Variants in NPEPPS observed in about 807,000 individuals in gnomAD.
NPEPPS encodes aminopeptidase puromycin sensitive.
Under a neutral mutation model 115.5 loss-of-function variants are expected in NPEPPS, and 14 were observed. The ratio of observed to expected loss-of-function variants is 0.12; its 90% CI spans 0.08 to 0.19. NPEPPS has a LOEUF of 0.19. Ranked by LOEUF, NPEPPS falls within the 10% of genes least tolerant of loss-of-function variation. NPEPPS has a pLI of 1.00. For synonymous variants in NPEPPS, 285 were observed against 390.6 expected (o/e 0.73, Z 3.19); for missense variants, 523 against 1,110.8 (o/e 0.47, Z 7.52).
intron 17 of NPEPPS, 45 bp from the exon 18 acceptor site, chr17:47,612,415 T>C (rs756689326): frequency 1.1e-5 from 17 of 1,596,884 alleles, no homozygotes; most frequent in Non-Finnish European, 1.5e-5. Context: ...CTTATAAAAA[T>C]AGGCTTTTTA....
chr17:47,576,611 T>C (rs1244925451), intron 3 of NPEPPS, among the ~76,000 whole-genome samples: 2 of 152,238 alleles, frequency 1.3e-5, no homozygotes, highest in Non-Finnish European at 2.9e-5. Flanking sequence ...TATTAAAGTA[T>C]TTCAAGATTT....
At chr17:47,609,985 CTGTT>C (rs1447792278) in intron 17 of NPEPPS, among the ~76,000 whole-genome samples, 9 of 152,032 alleles carry the variant, frequency 5.9e-5, no homozygotes, top group Non-Finnish European at 1.3e-4. Flanking sequence ...GTGCCATTAA[CTGTT>C]TTTTTAATCA....
intron 17 of NPEPPS, among the ~76,000 whole-genome samples, chr17:47,610,164 C>T (rs1050297226): frequency 9.5e-6 from 1 of 104,968 alleles, no homozygotes; most frequent in East Asian, 3.1e-4. Flanking sequence ...CCACTCTCAG[C>T]CCCACCCCAC....
intron 2 of NPEPPS, among the ~76,000 whole-genome samples, chr17:47,553,013 C>T (rs1008374347): frequency 1.3e-5 from 2 of 151,974 alleles, no homozygotes; most frequent in Non-Finnish European, 2.9e-5. Flanking sequence ...TTAATATAAC[C>T]GCACCATATT....
intron 22 of NPEPPS, 84 bp from the exon 23 acceptor site, chr17:47,621,680 TATAG>T: frequency 1.5e-6 from 2 of 1,309,830 alleles, no homozygotes; most frequent in Non-Finnish European, 2.1e-6. Flanking sequence ...GCATCCTTCA[TATAG>T]ACCAGTGGGT....
At position 47,591,894 on chromosome 17, in the gene NPEPPS, T is replaced by C. The variant is rs1233726650; in HGVS notation, c.1261-62T>C. Reference sequence around the variant, plus strand: ...AAGGGTTTTCCTAGAAAGCGTTTTATGTAATTCAGTATTACAGGCTATCTG... The same window carrying C: ...AAGGGTTTTCCTAGAAAGCGTTTTACGTAATTCAGTATTACAGGCTATCTG... On this transcript the variant is annotated intron_variant, in intron 10 of 22. Transcript: ENST00000322157. 16 of 627,006 alleles carry C rather than the reference T, an allele frequency of 2.6e-5. No homozygotes were observed. In the African/African-American group the frequency reaches 3.0e-4, roughly 12 times the overall value. The allele number at this position is 627,006 out of a possible 1,614,324, so 38.8% of individuals were successfully genotyped here.
In NPEPPS at chr17:47,619,167, A is replaced by G. The variant is rs759737877; in HGVS notation, c.2559+3A>G. On this transcript the variant is annotated splice_donor_region_variant and intron_variant, in intron 21 of 22. Coordinates refer to ENST00000322157, the MANE Select transcript of NPEPPS (RefSeq NM_006310.4). ...TCTTAATATCCAGACTAATAAAGGT[A>G]TGTGAAAAACTTTGAGTAGCTTGCT... is the stretch of plus-strand genomic sequence containing the variant. 5.6e-6 allele frequency: 9 copies of G among 1,611,008 alleles called. No individual in the cohort carries two copies. In the African/African-American group the frequency reaches 1.2e-4, roughly 22 times the overall value.
At chr17:47,534,717 T>G (rs559883615) in intron 1 of NPEPPS, among the ~76,000 whole-genome samples, 1 of 151,986 alleles carries the variant, frequency 6.6e-6, no homozygotes, top group East Asian at 2.0e-4. Flanking sequence ...TACAGGTGTG[T>G]GCCATCACGC....
chr17:47,621,532 TTC>T (rs1914574634), intron 22 of NPEPPS, among the ~76,000 whole-genome samples: 2 of 152,160 alleles, frequency 1.3e-5, no homozygotes, highest in Admixed American at 6.6e-5. Context: ...AGGCAGTAGG[TTC>T]TGTCTCTTTA....
At chr17:47,543,606 C>CGT (rs1908950138) in intron 1 of NPEPPS, among the ~76,000 whole-genome samples, 1 of 151,404 alleles carries the variant, frequency 6.6e-6, no homozygotes, top group Non-Finnish European at 1.5e-5. Context: ...GGATTACAGG[C>CGT]GTGAGCCACT....
intron 5 of NPEPPS, among the ~76,000 whole-genome samples, 161 bp downstream of exon 5, chr17:47,583,010 CTT>C (rs745447996): frequency 7.4e-6 from 1 of 135,142 alleles, no homozygotes; most frequent in Non-Finnish European, 1.6e-5. Context: ...CTTTTTCTTT[CTT>C]TTTTTTTTTT....
chr17:47,590,612 A>C lies in NPEPPS; in HGVS notation c.1096-105A>C. ...GTTTTGAACTGAATTTTAGGTCATT[A>C]AATTGTGAGTTTGGGAATATAGTGG... On this transcript the variant is annotated intron_variant, in intron 9 of 22. Transcript: ENST00000322157. The C allele has an allele frequency of 2.3e-6, 3 of 1,332,594 alleles. No homozygotes were observed. In the East Asian group the frequency reaches 7.6e-5, roughly 34 times the overall value. 82.5% of individuals were successfully genotyped at this position (1,332,594 alleles called of 1,614,324 possible).
Position 47,590,443 on chromosome 17 carries a change from C to T in NPEPPS, c.1096-274C>T, listed in dbSNP as rs1448941707. Among the ~76,000 whole-genome samples the T allele has an allele frequency of 2.1e-5, 3 of 140,426 alleles. No homozygotes were observed. The Admixed American group carries it at 2.3e-4, about 11-fold the overall frequency. 92.1% of individuals were successfully genotyped at this position (140,426 alleles called of 152,430 possible). A position where few individuals can be genotyped will look rare whatever the true frequency, so the allele number is the denominator to read the frequency against. On this transcript the variant is annotated intron_variant, in intron 9 of 22. Coordinates refer to ENST00000322157, the MANE Select transcript of NPEPPS (RefSeq NM_006310.4). ...TGAACACTCCAGCCTGGTGACAAAA[C>T]AAGACTTTGTCTCAAAAAAAAAAAA...
intron 1 of NPEPPS, among the ~76,000 whole-genome samples, chr17:47,540,710 A>G (rs1326663387): frequency 1.3e-5 from 2 of 152,218 alleles, no homozygotes; most frequent in Non-Finnish European, 2.9e-5. Flanking sequence ...TGAGAGCACA[A>G]TTTAACCTGT....
rs1415942692 is a variant in NPEPPS, at chr17:47,576,484, T to TC, written c.419-2904dup. On this transcript the variant is annotated intron_variant, in intron 3 of 22. Transcript: ENST00000322157. The stretch of plus-strand genomic sequence containing the variant: ...TTTAGCCTGGGTGACAGACTGAGAC[T>TC]CCATTTTCCAAAGAAAAAAAGAAGT... 2.6e-5 allele frequency among the ~76,000 whole-genome samples: 4 copies of TC among 152,080 alleles called. No individual in the cohort carries two copies. In the South Asian group the frequency reaches 8.3e-4, roughly 32 times the overall value.
chr17:47,529,406 C>CTTT (rs1235224440), upstream of NPEPPS, among the ~76,000 whole-genome samples: 1 of 128,718 alleles, frequency 7.8e-6, no homozygotes. Flanking sequence ...CCTGGGCCCA[C>CTTT]TTTTTTTTTT....
At chr17:47,536,162 C>T (rs1189500456) in intron 1 of NPEPPS, among the ~76,000 whole-genome samples, 3 of 151,908 alleles carry the variant, frequency 2.0e-5, no homozygotes. Context: ...AATATTTTAC[C>T]TGTGCCAGAG....
intron 1 of NPEPPS, among the ~76,000 whole-genome samples, chr17:47,537,426 G>A (rs1000349398): frequency 6.6e-6 from 1 of 152,158 alleles, no homozygotes; most frequent in Non-Finnish European, 1.5e-5. Context: ...GGGTGTGGTG[G>A]CTCACGCCTG....
intron 2 of NPEPPS, among the ~76,000 whole-genome samples, chr17:47,549,105 G>A (rs1909445846): frequency 6.6e-6 from 1 of 152,008 alleles, no homozygotes; most frequent in Admixed American, 6.6e-5. Flanking sequence ...AGCACTTTGG[G>A]AGGCTGTGGC....
Sources: gnomAD v4.1 joint callset for allele counts (sites outside exome capture counted in the v4.1 genomes callset) on GRCh38, gnomAD v4.1.1 for gene constraint, MANE v1.5 for transcripts, NCBI Gene and HGNC (gene_info 2026-07-23, HGNC 2026-07-21) for gene names.